The following DYNC2H1 variants were observed in gnomAD, a reference collection of about 807,000 sequenced individuals.
DYNC2H1 encodes cytoplasmic dynein 2 heavy chain 1.
A neutral mutation model predicts 570.0 loss-of-function variants in DYNC2H1; 410 were observed. The observed-to-expected ratio is 0.72, with a 90% CI of 0.66 to 0.78. DYNC2H1 has a LOEUF of 0.78. DYNC2H1 is among the 30% of genes least tolerant of loss of function. The pLI is 0.00. For synonymous variants in DYNC2H1, 1,688 were observed against 1,677.6 expected, an observed-to-expected ratio of 1.01 and a Z score of -0.15; for missense variants, 4,865 against 5,046.4, an observed-to-expected ratio of 0.96 and a Z score of 1.09.
At chr11:103,212,855 A>G (rs537455306) in intron 54 of DYNC2H1, among the ~76,000 whole-genome samples, 1 of 152,134 alleles carries the variant, frequency 6.6e-6, no homozygotes, top group East Asian at 1.9e-4. Flanking sequence ...GGTACTTTGG[A>G]TAAATCACTT....
At chr11:103,259,711 T>G (rs1244986378) in intron 69 of DYNC2H1, among the ~76,000 whole-genome samples, 177 bp from the exon 70 acceptor site, 2 of 152,160 alleles carry the variant, frequency 1.3e-5, no homozygotes, top group African/African-American at 2.4e-5. Flanking sequence ...TAAAGAAAGA[T>G]GCGTCATTTT....
intron 84 of DYNC2H1, among the ~76,000 whole-genome samples, chr11:103,416,078 C>T (rs1943270002): frequency 6.6e-6 from 1 of 152,158 alleles, no homozygotes; most frequent in South Asian, 2.1e-4. Context: ...CATGTTCTCA[C>T]TCATAGGTGG....
At chr11:103,303,712 A>G (rs1284094499) in intron 76 of DYNC2H1, among the ~76,000 whole-genome samples, 2 of 152,142 alleles carry the variant, frequency 1.3e-5, no homozygotes, top group Non-Finnish European at 2.9e-5. Flanking sequence ...ACATAGCCCT[A>G]TAGTAGTACC....
intron 82 of DYNC2H1, among the ~76,000 whole-genome samples, chr11:103,338,178 T>C (rs1939250922): frequency 2.0e-5 from 3 of 152,184 alleles, no homozygotes; most frequent in Non-Finnish European, 4.4e-5. Context: ...GCTGAGTTGG[T>C]TGTAAATGTG....
intron 60 of DYNC2H1, among the ~76,000 whole-genome samples, chr11:103,232,751 T>G (rs1253648667): frequency 3.3e-5 from 5 of 152,046 alleles, no homozygotes; most frequent in African/African-American, 1.2e-4. Flanking sequence ...AGAGTTGATT[T>G]AATGCAACAA....
chr11:103,413,948 CATTTAGCAAA>C (rs773462167), intron 84 of DYNC2H1, among the ~76,000 whole-genome samples: 28 of 152,182 alleles, frequency 1.8e-4, no homozygotes, highest in South Asian at 1.5e-3. Flanking sequence ...CTTTTTCATT[CATTTAGCAAA>C]TAAAAACAGA....
chr11:103,111,916 C>A (rs1858134191), intron 1 of DYNC2H1, among the ~76,000 whole-genome samples: 1 of 152,066 alleles, frequency 6.6e-6, no homozygotes, highest in Admixed American at 6.5e-5. Context: ...AACACAGAGT[C>A]CGTATCTTAA....
intron 85 of DYNC2H1, among the ~76,000 whole-genome samples, chr11:103,453,759 A>T (rs914378746): frequency 6.6e-6 from 1 of 151,434 alleles, no homozygotes; most frequent in African/African-American, 2.4e-5. Context: ...TTTTAAAATA[A>T]CTGTTATAAA....
rs747778657 is a variant in DYNC2H1, at chr11:103,188,528, A to G, written c.7172A>G (p.Asn2391Ser). The G allele has an allele frequency of 3.7e-6, 6 of 1,607,520 alleles. No individual in the cohort carries two copies. In the South Asian group the frequency reaches 5.6e-5, roughly 15 times the overall value. ...VLTYQGFYDE[N>S]LEWVGLENIQ... ...ACGTATCAAGGATTTTATGATGAAA[A>G]TTTGGAATGGGTTGGTCTAGAAAAT... The change falls in exon 44 of 89, where the codon AAT becomes AGT. Residue 2391 changes from asparagine to serine, a missense_variant. This residue lies in a region of DYNC2H1 where 2,401 missense variants were observed against 2,454.6 expected (regional missense o/e 0.98). Coordinates refer to ENST00000375735, the MANE Select transcript of DYNC2H1 (RefSeq NM_001377.3).
At position 103,192,041 on chromosome 11, in the gene DYNC2H1, A is replaced by G. The variant is rs1030495826; in HGVS notation, c.7541-56A>G. On this transcript the variant is annotated intron_variant, in intron 46 of 88. Coordinates refer to ENST00000375735, the MANE Select transcript of DYNC2H1 (RefSeq NM_001377.3). ...GCTATTTCTTTCTAATTTTATGTTA[A>G]ACATATTATTTAAAAATCATTATAT... The G allele has an allele frequency of 1.6e-5, 21 of 1,313,430 alleles. No homozygotes were observed. In the African/African-American group the frequency reaches 2.8e-4, roughly 17 times the overall value. The allele number at this position is 1,313,430 out of a possible 1,614,324, so 81.4% of individuals were successfully genotyped here.
intron 63 of DYNC2H1, 68 bp downstream of exon 63, chr11:103,236,607 T>A: frequency 1.2e-6 from 1 of 830,540 alleles, no homozygotes; most frequent in Non-Finnish European, 1.9e-6. Context: ...GAAATTGTGT[T>A]CTTCGTATTC....
At chr11:103,414,343 G>A (rs529181522) in intron 84 of DYNC2H1, among the ~76,000 whole-genome samples, 33 of 152,264 alleles carry the variant, frequency 2.2e-4, no homozygotes, top group African/African-American at 7.5e-4. Context: ...CACCACTGCT[G>A]GGCGCAGTGG....
At chr11:103,176,481 T>TAATAAGGAATCAACTAG in intron 37 of DYNC2H1, 47 bp downstream of exon 37, 2 of 1,326,872 alleles carry the variant, frequency 1.5e-6, no homozygotes, top group Non-Finnish European at 2.0e-6. Context: ...TTTTCCTAGT[T>TAATAAGGAATCAACTAG]GATTCCTTAT....
In DYNC2H1 at chr11:103,287,697, T is replaced by G. The variant is rs2135357159; in HGVS notation, c.11095+92T>G. On this transcript the variant is annotated intron_variant, in intron 75 of 88. Transcript: ENST00000375735. ...TTTTATGTTAGCCTGAGTTTAGAAA[T>G]GTTATAATGTCTCTTTTATTCATTC... 3.0e-6 allele frequency: 3 copies of G among 987,540 alleles called. No homozygotes were observed. The East Asian group carries it at 7.9e-5, about 26-fold the overall frequency. The allele number at this position is 987,540 out of a possible 1,614,324, so 61.2% of individuals were successfully genotyped here.
At chr11:103,290,726 C>T (rs931214706) in intron 75 of DYNC2H1, among the ~76,000 whole-genome samples, 7 of 152,120 alleles carry the variant, frequency 4.6e-5, no homozygotes, top group African/African-American at 1.7e-4. Context: ...GTGTCTTTGT[C>T]TCTCTCTTCC....
intron 87 of DYNC2H1, among the ~76,000 whole-genome samples, chr11:103,459,324 A>G (rs1944919133): frequency 1.3e-5 from 2 of 149,168 alleles, no homozygotes; most frequent in Admixed American, 1.3e-4. Flanking sequence ...AAAAAAAAAA[A>G]AAAAAAAAAG....
intron 66 of DYNC2H1, among the ~76,000 whole-genome samples, chr11:103,253,651 C>T (rs918019341): frequency 3.9e-5 from 6 of 152,112 alleles, no homozygotes; most frequent in Non-Finnish European, 7.4e-5. Flanking sequence ...ATGCTAATGT[C>T]AAATTGCTGC....
intron 84 of DYNC2H1, among the ~76,000 whole-genome samples, chr11:103,415,783 A>T (rs1341469273): frequency 2.0e-5 from 3 of 152,228 alleles, no homozygotes; most frequent in African/African-American, 7.2e-5. Flanking sequence ...CATTTGACCC[A>T]GCCATCCCAT....
At chr11:103,401,676 G>A (rs1174407976) in intron 84 of DYNC2H1, among the ~76,000 whole-genome samples, 1 of 152,052 alleles carries the variant, frequency 6.6e-6, no homozygotes, top group African/African-American at 2.4e-5. Flanking sequence ...TGTAAAATGA[G>A]GGTAGTAATA....
Sources: gnomAD v4.1 joint callset for allele counts (sites outside exome capture counted in the v4.1 genomes callset) on GRCh38, gnomAD v4.1.1 for gene constraint, gnomAD v4.1.1 regional missense constraint, MANE v1.5 for transcripts, NCBI Gene and HGNC (gene_info 2026-07-23, HGNC 2026-07-21) for gene names.